CSTF2: variants seen among roughly 807,000 people sequenced by gnomAD.
CSTF2 encodes CF-1 64 kDa subunit.
A neutral mutation model predicts 45.4 loss-of-function variants in CSTF2; 8 were observed. That is an observed-to-expected ratio of 0.18 (90% confidence interval 0.10 to 0.32). The LOEUF (loss-of-function observed/expected upper bound fraction) is 0.32, where lower values mean the gene tolerates loss of function less well. Ranked by LOEUF, CSTF2 falls within the 10% of genes least tolerant of loss-of-function variation. The pLI, the probability that CSTF2 is intolerant of heterozygous loss-of-function variation, is 1.00. For synonymous variants in CSTF2, 155 were observed against 158.9 expected (o/e 0.98, Z 0.18); for missense variants, 253 against 477.1 (o/e 0.53, Z 4.38).
rs373603170 is a variant in CSTF2, at chrX:100,833,266, G to A, written c.1294G>A (p.Ala432Thr). 3 of 1,209,761 alleles carry A rather than the reference G, an allele frequency of 2.5e-6. No homozygotes were observed. The change falls in exon 11 of 14, where the codon GCC becomes ACC. Residue 432 changes from alanine to threonine, a missense_variant. By Grantham distance (58) the Ala-to-Thr change is moderately conservative. This residue lies in a region of CSTF2 where 200 missense variants were observed against 294.0 expected (regional missense o/e 0.68). Coordinates refer to ENST00000372972, the MANE Select transcript of CSTF2 (RefSeq NM_001325.3). ...AGGGTTAGATGCCAGAGGATTAGAG[G>A]CCCGTGCAATGGAGGCCCGTGCGAT... ...ARGLDARGLE[A>T]RAMEARAMEA... is the part of the protein sequence containing the mutation.
rs138737369 is a variant in CSTF2, at chrX:100,841,336, G to A, written c.*626G>A. On this transcript the variant is annotated 3_prime_UTR_variant, in exon 14 of 14. Transcript: ENST00000372972. ...TTGTTTCAATAGCAGGTCTGAACAT[G>A]TATAATTCAGAGTTAAGACAAAAAT... Among the ~76,000 whole-genome samples the A allele has an allele frequency of 0.02, 2,299 of 112,239 alleles. 26 individuals carry two copies. The highest frequency in any genetic ancestry group is 0.092 in the South Asian group (250 of 2,705).
At chrX:100,822,441 G>A (rs767098160) in intron 3 of CSTF2, 21 bp downstream of exon 3, 6 of 1,187,790 alleles carry the variant, frequency 5.1e-6, no homozygotes, top group Admixed American at 4.4e-5. Context: ...ATCCAACTTG[G>A]ATGCAGTATG....
At chrX:100,838,110 T>A in intron 12 of CSTF2, 129 bp from the exon 13 acceptor site, 3 of 622,942 alleles carry the variant, frequency 4.8e-6, no homozygotes, top group Non-Finnish European at 6.8e-6. Flanking sequence ...TTCTTCCTTT[T>A]TCCATTTTGC....
intron 8 of CSTF2, among the ~76,000 whole-genome samples, chrX:100,831,228 G>A (rs745561274): frequency 1.7e-4 from 19 of 111,546 alleles, no homozygotes; most frequent in African/African-American, 4.6e-4. Context: ...CTTGAACTAA[G>A]ATTGATTAGA....
At chrX:100,829,375 C>A (rs774537484) in intron 8 of CSTF2, among the ~76,000 whole-genome samples, 5 of 110,589 alleles carry the variant, frequency 4.5e-5, no homozygotes, top group Non-Finnish European at 9.4e-5. Context: ...CTTGTGGTCC[C>A]AGCTACTTGG....
In CSTF2 at chrX:100,826,684, G is replaced by A. The variant is rs760852011; in HGVS notation, c.753G>A (p.Gln251=). The change falls in exon 7 of 14, where the codon CAG becomes CAA. Residue 251 remains glutamine, a synonymous_variant. Coordinates refer to ENST00000372972, the MANE Select transcript of CSTF2 (RefSeq NM_001325.3). ...CTCCTCTGATGCAAGCTTCTATGCA[G>A]GGTGGAGTTCCAGCACCAGGGCAAA... The part of the protein sequence containing the change: ...GAPPLMQASM[Q]GGVPAPGQMP... The A allele has an allele frequency of 8.3e-7, 1 of 1,210,448 alleles. No homozygotes were observed. Among genetic ancestry groups the A allele is most frequent in the East Asian group, 3.0e-5 (1 of 33,850 alleles).
rs1460513902 is a variant in CSTF2 at position 100,821,664 on chromosome X, C to T, written c.137+59C>T. 4.5e-6 allele frequency: 4 copies of T among 886,210 alleles called. No homozygotes were observed. In the African/African-American group the frequency reaches 8.0e-5, roughly 18 times the overall value. The allele number at this position is 886,210 out of a possible 1,213,427, so 73.0% of individuals were successfully genotyped here. Reference sequence around the variant, plus strand: ...CTTAAAAATCACCACAGATTTGGCTCTTAGTAATAATGGCAGGTTTTCTTT... The same window carrying T: ...CTTAAAAATCACCACAGATTTGGCTTTTAGTAATAATGGCAGGTTTTCTTT... On this transcript the variant is annotated intron_variant, in intron 2 of 13. Transcript: ENST00000372972.
rs751771520 is a variant in CSTF2, at chrX:100,823,943, C to T, written c.502C>T (p.Leu168=). ...GAACATGTTACTTCAGAACCCTCAA[C>T]TGGCTTATGCTTTGCTGCAAGCACA... is the stretch of plus-strand genomic sequence containing the variant. ...ARNMLLQNPQ[L]AYALLQAQVV... The change falls in exon 5 of 14, where the codon CTG becomes TTG. Residue 168 remains leucine, a synonymous_variant. Transcript: ENST00000372972. The T allele has an allele frequency of 9.1e-6, 11 of 1,211,444 alleles. No individual in the cohort carries two copies. The highest frequency in any genetic ancestry group is 2.3e-4 in the Middle Eastern group (1 of 4,351).
intron 11 of CSTF2, among the ~76,000 whole-genome samples, chrX:100,835,972 T>A (rs192761102): frequency 0.011 from 1,257 of 110,650 alleles, 19 homozygotes; most frequent in African/African-American, 0.033. Flanking sequence ...TAAAAAATTT[T>A]AAAAAAAAAG....
intron 6 of CSTF2, among the ~76,000 whole-genome samples, chrX:100,825,865 G>C (rs1011222650): frequency 2.7e-5 from 3 of 112,009 alleles, no homozygotes; most frequent in Admixed American, 9.5e-5. Context: ...ACAATTATAA[G>C]TGGCAGATCT....
intron 11 of CSTF2, among the ~76,000 whole-genome samples, chrX:100,835,276 T>TAA (rs59862712): frequency 0.02 from 1,757 of 88,691 alleles, 30 homozygotes; most frequent in African/African-American, 0.053. Context: ...CTCCCATCTT[T>TAA]AAAAAAAAAA....
chrX:100,820,486 T>C lies in CSTF2; in HGVS notation c.58+12T>C. 8.3e-7 allele frequency: 1 copy of C among 1,207,835 alleles called. No individual in the cohort carries two copies. The highest frequency in any genetic ancestry group is 2.2e-5 in the Admixed American group (1 of 46,130). ...ACGTTCTGTGTTCGGTGAGAGGAAT[T>C]CGTTGTAGTCAAGCTTCGGGGAGGG... On this transcript the variant is annotated intron_variant, in intron 1 of 13. Coordinates refer to ENST00000372972, the MANE Select transcript of CSTF2 (RefSeq NM_001325.3).
At chrX:100,828,375 C>T (rs1471425068) in intron 8 of CSTF2, among the ~76,000 whole-genome samples, 3 of 111,870 alleles carry the variant, frequency 2.7e-5, no homozygotes, top group African/African-American at 9.8e-5. Flanking sequence ...CTGGTCTAGA[C>T]TTTCCACCTG....
intron 9 of CSTF2, among the ~76,000 whole-genome samples, chrX:100,832,077 C>T (rs1324112439): frequency 1.8e-5 from 2 of 110,475 alleles, no homozygotes; most frequent in East Asian, 2.8e-4. Flanking sequence ...ATTAGCCGGG[C>T]GTGGTGGCGG....
At chrX:100,836,063 T>C (rs757485903) in intron 11 of CSTF2, among the ~76,000 whole-genome samples, 1 of 112,104 alleles carries the variant, frequency 8.9e-6, no homozygotes, top group African/African-American at 3.2e-5. Flanking sequence ...CTGGTTTCAG[T>C]ATTGATAATG....
At chrX:100,838,642 G>A (rs375237575) in intron 13 of CSTF2, among the ~76,000 whole-genome samples, 1 of 111,671 alleles carries the variant, frequency 9.0e-6, no homozygotes, top group Admixed American at 9.5e-5. Flanking sequence ...AAGGTGAAAG[G>A]TAAAAAGCCC....
chrX:100,838,039 GTTTT>G (rs907496617), intron 12 of CSTF2, among the ~76,000 whole-genome samples, 196 bp from the exon 13 acceptor site: 3 of 109,611 alleles, frequency 2.7e-5, no homozygotes, highest in African/African-American at 9.9e-5. Flanking sequence ...TTTCTCACCA[GTTTT>G]TTTTTATTTT....
chrX:100,832,131 C>T (rs780097638), intron 9 of CSTF2, among the ~76,000 whole-genome samples: 1 of 111,316 alleles, frequency 9.0e-6, no homozygotes, highest in African/African-American at 3.3e-5. Flanking sequence ...GCAGGAGAAT[C>T]GCTTGAACCC....
chrX:100,824,020 T>C lies in CSTF2; in HGVS notation c.564+15T>C, dbSNP rs750457378. 7.9e-5 allele frequency: 95 copies of C among 1,209,648 alleles called. No homozygotes were observed. In the Middle Eastern group the frequency reaches 9.1e-4, roughly 12 times the overall value. On this transcript the variant is annotated intron_variant, in intron 5 of 13. Coordinates refer to ENST00000372972, the MANE Select transcript of CSTF2 (RefSeq NM_001325.3). Reference sequence around the variant, plus strand: ...AAATTGCCCTGGTGAGTGCTTCTGGTTCTTTTATGGAAATGGTCGGGTAAA... The same window carrying C: ...AAATTGCCCTGGTGAGTGCTTCTGGCTCTTTTATGGAAATGGTCGGGTAAA...
Sources: allele counts gnomAD v4.1 joint callset (sites outside exome capture counted in the v4.1 genomes callset), GRCh38; gene constraint gnomAD v4.1.1; regional missense constraint gnomAD v4.1.1; transcripts MANE v1.5; gene names NCBI Gene and HGNC (gene_info 2026-07-23, HGNC 2026-07-21).